STPG2: variants seen among roughly 807,000 people sequenced by gnomAD.
The protein encoded by STPG2 is sperm-tail PG-rich repeat-containing protein 2.
A neutral mutation model predicts 54.2 loss-of-function variants in STPG2; 56 were observed. That is an observed-to-expected ratio of 1.03 (90% CI 0.83 to 1.29). The LOEUF (loss-of-function observed/expected upper bound fraction) is 1.29, where lower values mean the gene tolerates loss of function less well. Ranked by LOEUF, STPG2 falls within the 50% of genes most tolerant of loss-of-function variation. The pLI is 0.00. For missense variants in STPG2, 596 were observed against 544.9 expected (o/e 1.09, Z -0.93); for synonymous variants, 200 against 181.8 (o/e 1.10, Z -0.81).
chr4:97,660,738 T>G (rs148263037), intron 10 of STPG2, among the ~76,000 whole-genome samples: 3 of 152,222 alleles, frequency 2.0e-5, no homozygotes, highest in Admixed American at 1.3e-4. Flanking sequence ...CCCAAAAAAC[T>G]TTAGAAATGC....
chr4:98,025,986 C>CCAGAATGTTG (rs1464495893), intron 5 of STPG2: 55 of 1,151,810 alleles, frequency 4.8e-5, no homozygotes, highest in Non-Finnish European at 6.6e-5. Flanking sequence ...ACATTGTGGG[C>CCAGAATGTTG]CAGAATGTTG....
chr4:97,847,727 A>G (rs1358499717), intron 8 of STPG2, among the ~76,000 whole-genome samples: 1 of 152,198 alleles, frequency 6.6e-6, no homozygotes, highest in Non-Finnish European at 1.5e-5. Context: ...AAAACTTATT[A>G]TCTTCCCTTA....
chr4:97,552,204 A>C (rs1731981298), intron 4 of STPG2, among the ~76,000 whole-genome samples: 1 of 152,172 alleles, frequency 6.6e-6, no homozygotes, highest in Admixed American at 6.5e-5. Context: ...GAACATGGGC[A>C]AACTATTTCA....
At chr4:97,912,857 T>C (rs962622781) in intron 8 of STPG2, among the ~76,000 whole-genome samples, 3 of 152,322 alleles carry the variant, frequency 2.0e-5, no homozygotes, top group Admixed American at 6.5e-5. Context: ...TGAGAAACGC[T>C]GGCCTAAATA....
chr4:98,027,682 T>C (rs1736469294), intron 5 of STPG2, among the ~76,000 whole-genome samples: 1 of 152,194 alleles, frequency 6.6e-6, no homozygotes, highest in Non-Finnish European at 1.5e-5. Context: ...CTCAAAACCC[T>C]GTAAGGAAAA....
chr4:98,104,974 T>C (rs1036223463), intron 5 of STPG2, among the ~76,000 whole-genome samples: 2 of 152,194 alleles, frequency 1.3e-5, no homozygotes, highest in African/African-American at 4.8e-5. Context: ...AAACCTAACT[T>C]AGTAGTATGT....
chr4:97,579,010 T>G (rs1313485332), intron 10 of STPG2, among the ~76,000 whole-genome samples: 3 of 152,036 alleles, frequency 2.0e-5, no homozygotes, highest in Non-Finnish European at 4.4e-5. Context: ...AAAAAATAAA[T>G]CACTCATCTG....
intron 9 of STPG2, among the ~76,000 whole-genome samples, chr4:97,750,113 G>A (rs1275526804): frequency 1.3e-5 from 2 of 151,774 alleles, no homozygotes; most frequent in Non-Finnish European, 2.9e-5. Flanking sequence ...TTAAATCCAG[G>A]CCAAAATAGA....
chr4:97,750,912 T>A (rs1434400388), intron 9 of STPG2, among the ~76,000 whole-genome samples: 1 of 151,792 alleles, frequency 6.6e-6, no homozygotes, highest in Non-Finnish European at 1.5e-5. Context: ...ACTTTCACCA[T>A]GTCTTTCCTT....
chr4:97,530,753 G>C (rs1030385967), intron 4 of STPG2, among the ~76,000 whole-genome samples: 1 of 152,280 alleles, frequency 6.6e-6, no homozygotes, highest in African/African-American at 2.4e-5. Context: ...AAGGGTCAGA[G>C]AGACAGTGCT....
intron 5 of STPG2, among the ~76,000 whole-genome samples, chr4:98,092,455 C>T (rs897815707): frequency 6.6e-6 from 1 of 151,784 alleles, no homozygotes; most frequent in Non-Finnish European, 1.5e-5. Context: ...TTGCCAAGTG[C>T]CTGTTATAAA....
chr4:97,901,347 GA>G lies in STPG2; in HGVS notation c.1044+42549del, dbSNP rs1018470325. On this transcript the variant is annotated intron_variant, in intron 8 of 10. Transcript: ENST00000295268. ...AGTTCTAGCCAGAACAATTGGGCAAGAAAAAAAATAATAAAAGGCATCCAAC... is the reference window on the plus strand; with the variant it reads ...AGTTCTAGCCAGAACAATTGGGCAAGAAAAAAATAATAAAAGGCATCCAAC... 2.0e-4 allele frequency among the ~76,000 whole-genome samples: 30 copies of G among 151,420 alleles called. 1 individual carries two copies. Among genetic ancestry groups the G allele is most frequent in the Middle Eastern group, 6.8e-3 (2 of 294 alleles).
intron 5 of STPG2, among the ~76,000 whole-genome samples, chr4:98,059,796 G>A (rs1020396196): frequency 6.6e-6 from 1 of 151,990 alleles, no homozygotes; most frequent in East Asian, 1.9e-4. Context: ...CACATAAACA[G>A]GATGAAAGAC....
At chr4:97,759,985 C>T (rs1306859401) in intron 9 of STPG2, among the ~76,000 whole-genome samples, 2 of 152,040 alleles carry the variant, frequency 1.3e-5, no homozygotes, top group Non-Finnish European at 2.9e-5. Context: ...TATTTACAGC[C>T]TCTCATGGCA....
At chr4:97,704,809 G>A (rs1291087485) in intron 10 of STPG2, among the ~76,000 whole-genome samples, 1 of 152,060 alleles carries the variant, frequency 6.6e-6, no homozygotes, top group African/African-American at 2.4e-5. Flanking sequence ...ATATTTCATA[G>A]CTACAATTGA....
At chr4:97,834,466 C>T (rs532291555) in intron 9 of STPG2, among the ~76,000 whole-genome samples, 2 of 152,104 alleles carry the variant, frequency 1.3e-5, no homozygotes, top group South Asian at 4.2e-4. Context: ...ATGTAACAAA[C>T]CTGCACACTC....
intron 4 of STPG2, among the ~76,000 whole-genome samples, chr4:97,546,442 G>A (rs546862741): frequency 2.0e-5 from 3 of 152,124 alleles, no homozygotes; most frequent in South Asian, 4.1e-4. Context: ...TAAAATGACA[G>A]AATAAGATTG....
chr4:97,735,409 T>C (rs965981180), intron 9 of STPG2, among the ~76,000 whole-genome samples: 6 of 150,462 alleles, frequency 4.0e-5, no homozygotes, highest in Admixed American at 6.6e-5. Flanking sequence ...AAGGGAGAGG[T>C]TGGGAGGGAA....
chr4:97,474,311 C>T (rs997625231), intron 4 of STPG2, among the ~76,000 whole-genome samples: 3 of 151,712 alleles, frequency 2.0e-5, no homozygotes, highest in African/African-American at 7.3e-5. Context: ...GGCTTTCTTG[C>T]ATTTTCCATT....
Sources: gnomAD v4.1 joint callset for allele counts (sites outside exome capture counted in the v4.1 genomes callset) on GRCh38, gnomAD v4.1.1 for gene constraint, MANE v1.5 for transcripts, NCBI Gene and HGNC (gene_info 2026-07-23, HGNC 2026-07-21) for gene names.